The following JPT2 variants were observed in gnomAD, a reference collection of about 807,000 sequenced individuals.
The protein encoded by JPT2 is CRAMP_1 like.
A neutral mutation model predicts 15.9 loss-of-function variants in JPT2; 9 were observed. That is an observed-to-expected ratio of 0.57 (90% CI 0.34 to 0.99). The LOEUF (loss-of-function observed/expected upper bound fraction) is 0.99. JPT2 is among the 50% of genes least tolerant of loss of function. The pLI, the probability that JPT2 is intolerant of heterozygous loss-of-function variation, is 0.02. For synonymous variants in JPT2, 95 were observed against 91.7 expected, an observed-to-expected ratio of 1.04 and a Z score of -0.21; for missense variants, 267 against 252.1, an observed-to-expected ratio of 1.06 and a Z score of -0.40.
intron 1 of JPT2, 57 bp from the exon 2 acceptor site, chr16:1,685,380 GCA>G (rs576721552): frequency 5.9e-5 from 94 of 1,580,112 alleles, no homozygotes; most frequent in Admixed American, 5.8e-4. Flanking sequence ...CAAAATCCTT[GCA>G]CAGTGACAAG....
chr16:1,682,712 T>C (rs1363245664), intron 1 of JPT2, among the ~76,000 whole-genome samples: 5 of 152,012 alleles, frequency 3.3e-5, no homozygotes, highest in Admixed American at 3.3e-4. Flanking sequence ...GGCTGCGTGA[T>C]TCAAAAATGG....
At chr16:1,688,490 G>A (rs1051866051) in intron 2 of JPT2, 78 of 152,346 alleles carry the variant, frequency 5.1e-4, no homozygotes, top group African/African-American at 1.8e-3. Context: ...AGTTCCAACC[G>A]GTTTTTCAGG....
intron 1 of JPT2, among the ~76,000 whole-genome samples, chr16:1,681,536 C>G (rs2037023157): frequency 6.6e-6 from 1 of 152,330 alleles, no homozygotes; most frequent in Non-Finnish European, 1.5e-5. Flanking sequence ...CCCCATTCCA[C>G]ATGGAGGCCA....
At chr16:1,694,014 C>A (rs141374332) in intron 3 of JPT2, among the ~76,000 whole-genome samples, 4 of 151,982 alleles carry the variant, frequency 2.6e-5, no homozygotes, top group African/African-American at 9.7e-5. Context: ...CTCGTCACTG[C>A]GAAAGCGGGC....
At chr16:1,688,267 G>C (rs2037081662) in intron 2 of JPT2, 1 of 152,224 alleles carries the variant, frequency 6.6e-6, no homozygotes. Flanking sequence ...AGCAGAGCTA[G>C]TCGGTAGCAG....
intron 3 of JPT2, among the ~76,000 whole-genome samples, chr16:1,693,130 C>T (rs764697956): frequency 6.6e-6 from 1 of 152,158 alleles, no homozygotes; most frequent in African/African-American, 2.4e-5. Context: ...AATAGAGTCT[C>T]ATTCTGTTGC....
intron 1 of JPT2, among the ~76,000 whole-genome samples, chr16:1,680,772 C>T (rs1426166348): frequency 1.3e-5 from 2 of 152,182 alleles, no homozygotes. Flanking sequence ...TTCCTTCAAG[C>T]TGGAACATTT....
intron 3 of JPT2, among the ~76,000 whole-genome samples, chr16:1,693,923 C>T (rs1483371565): frequency 6.6e-6 from 1 of 151,568 alleles, no homozygotes; most frequent in Non-Finnish European, 1.5e-5. Flanking sequence ...TTTAAATTCA[C>T]CAACTGTTCA....
At chr16:1,678,405 C>T (rs2142216090) in intron 1 of JPT2, 49 bp downstream of exon 1, 1 of 918,082 alleles carries the variant, frequency 1.1e-6, no homozygotes. Flanking sequence ...GACCACGTGG[C>T]GGGAGCGGGC....
In JPT2 at chr16:1,699,990, T is replaced by C. The variant is rs891322554; in HGVS notation, c.*992T>C. On this transcript the variant is annotated 3_prime_UTR_variant, in exon 5 of 5. Coordinates refer to ENST00000248098, the MANE Select transcript of JPT2 (RefSeq NM_144570.3). Reference sequence around the variant, plus strand: ...CTTGGGTTCTTAGGTTTGGATTCTTTAATAATATCTAAAAAGCTAAATTTT... The same window carrying C: ...CTTGGGTTCTTAGGTTTGGATTCTTCAATAATATCTAAAAAGCTAAATTTT... The C allele has an allele frequency of 3.1e-6, 1 of 317,854 alleles. No homozygotes were observed. The highest frequency in any genetic ancestry group is 2.1e-5 in the African/African-American group (1 of 46,532). The allele number at this position is 317,854 out of a possible 1,614,324, so 19.7% of individuals were successfully genotyped here. A position where few individuals can be genotyped will look rare whatever the true frequency, so the allele number is the denominator to read the frequency against.
At chr16:1,686,677 A>G (rs1322635508) in intron 2 of JPT2, 1 of 149,030 alleles carries the variant, frequency 6.7e-6, no homozygotes, top group Admixed American at 6.8e-5. Context: ...TGACAGCTAG[A>G]CTCCATCTCA....
chr16:1,691,396 A>G (rs1334055812), intron 2 of JPT2, among the ~76,000 whole-genome samples: 1 of 152,250 alleles, frequency 6.6e-6, no homozygotes, highest in African/African-American at 2.4e-5. Context: ...TCAGGATGGC[A>G]GGTTTCCCTT....
chr16:1,683,458 T>G, intron 1 of JPT2: 1 of 1,220,778 alleles, frequency 8.2e-7, no homozygotes. Flanking sequence ...TAAAAAATAA[T>G]TTTTCTTAAG....
At position 1,685,449 on chromosome 16, in the gene JPT2, C is replaced by G. The variant is rs2037057194; in HGVS notation, c.55C>G (p.Pro19Ala). ...ACTCTGTGCTTGTAGGGCCATGAAG[C>G]CCCCAGGAGGAGAATCGAGCAATCT... The part of the protein sequence containing the change: ...GGRAGSRAMK[P>A]PGGESSNLFG... Residue 19 changes from proline (P) to alanine (A), a missense_variant, in exon 2 of 5, where the codon CCC (proline) becomes GCC (alanine). Pro to Ala is a conservative substitution (Grantham distance 27, BLOSUM62 -1). Transcript: ENST00000248098. 6.2e-7 allele frequency: 1 copy of G among 1,613,988 alleles called. No homozygotes were observed. Among genetic ancestry groups the G allele is most frequent in the Non-Finnish European group, 8.5e-7 (1 of 1,179,944 alleles).
Position 1,701,024 on chromosome 16 carries a change from T to C in JPT2, c.*2026T>C, listed in dbSNP as rs573912473. The C allele has an allele frequency of 6.6e-6, 1 of 152,356 alleles. No homozygotes were observed. Among genetic ancestry groups the C allele is most frequent in the African/African-American group, 2.4e-5 (1 of 41,562 alleles). 9.4% of individuals were successfully genotyped at this position (152,356 alleles called of 1,614,324 possible). On this transcript the variant is annotated 3_prime_UTR_variant, in exon 5 of 5. Coordinates refer to ENST00000248098, the MANE Select transcript of JPT2 (RefSeq NM_144570.3). ...TACTCTTCTTGCATCTGTCCTGCCTTCTTTCCCTCTGCGAGGCAGTGGGGT... is the reference window on the plus strand; with the variant it reads ...TACTCTTCTTGCATCTGTCCTGCCTCCTTTCCCTCTGCGAGGCAGTGGGGT...
rs574492277 is a variant in JPT2 at position 1,698,368 on chromosome 16, A to C, written c.386-443A>C. On this transcript the variant is annotated intron_variant, in intron 4 of 4. Coordinates refer to ENST00000248098, the MANE Select transcript of JPT2 (RefSeq NM_144570.3). This position sits in a 1 kb window ranked among gnomAD's most constrained non-coding sequence, Gnocchi z 4.9. ...TCTCCATTTCCCTTAACTAATGACC[A>C]AGATTTGTGGGATTTCATTCACCTT... is the stretch of plus-strand genomic sequence containing the variant. 7.9e-5 allele frequency among the ~76,000 whole-genome samples: 12 copies of C among 152,294 alleles called. No individual in the cohort carries two copies. Among genetic ancestry groups the C allele is most frequent in the Admixed American group, 2.0e-4 (3 of 15,294 alleles).
chr16:1,692,494 A>C (rs2037111185), intron 3 of JPT2: 1 of 165,878 alleles, frequency 6.0e-6, no homozygotes. Context: ...AGGATAAGAC[A>C]AGTGGCCTGG....
chr16:1,694,285 C>T (rs1184898616), intron 3 of JPT2, among the ~76,000 whole-genome samples: 1 of 152,202 alleles, frequency 6.6e-6, no homozygotes, highest in African/African-American at 2.4e-5. Context: ...CATGGGCCCC[C>T]ATTGACGCTG....
At chr16:1,692,580 G>A (rs1223547009) in intron 3 of JPT2, 1 of 155,656 alleles carries the variant, frequency 6.4e-6, no homozygotes, top group Non-Finnish European at 1.4e-5. Context: ...CAGCCTCCCT[G>A]GGCTATGGTG....
Sources: gnomAD v4.1 joint callset for allele counts (sites outside exome capture counted in the v4.1 genomes callset) on GRCh38, gnomAD v4.1.1 for gene constraint, Gnocchi (gnomAD v3.1) non-coding constraint, MANE v1.5 for transcripts, NCBI Gene and HGNC (gene_info 2026-07-23, HGNC 2026-07-21) for gene names.